Variants in AUTS2 observed in about 807,000 individuals in gnomAD.
AUTS2 encodes the protein activator of transcription and developmental regulator AUTS2.
Under a neutral mutation model 112.4 loss-of-function variants are expected in AUTS2, and 17 were observed. The ratio of observed to expected loss-of-function variants is 0.15; its 90% CI spans 0.10 to 0.23. The LOEUF (loss-of-function observed/expected upper bound fraction) is 0.23. Among genes scored for constraint, AUTS2 ranks in the 10% least tolerant of loss-of-function variants. The pLI, the probability that AUTS2 is intolerant of heterozygous loss-of-function variation, is 1.00. For missense variants in AUTS2, 1,510 were observed against 1,701.6 expected, an observed-to-expected ratio of 0.89 and a Z score of 1.98; for synonymous variants, 751 against 702.7, an observed-to-expected ratio of 1.07 and a Z score of -1.09.
At chr7:70,401,442 G>A (rs1400639887) in intron 4 of AUTS2, among the ~76,000 whole-genome samples, 1 of 152,200 alleles carries the variant, frequency 6.6e-6, no homozygotes, top group African/African-American at 2.4e-5. Flanking sequence ...TTAGGAGGAA[G>A]GAGGGACCAA....
At chr7:70,643,300 T>C (rs550344219) in intron 5 of AUTS2, among the ~76,000 whole-genome samples, 63 of 152,336 alleles carry the variant, frequency 4.1e-4, no homozygotes, top group African/African-American at 1.5e-3. Context: ...AGGCCAGGCG[T>C]GGTGGCTCAC....
chr7:69,697,593 C>T (rs542040769), intron 1 of AUTS2, among the ~76,000 whole-genome samples: 30 of 152,296 alleles, frequency 2.0e-4, no homozygotes, highest in African/African-American at 6.7e-4. Context: ...GAAAATGAAT[C>T]TTCTGCAGCT....
intron 5 of AUTS2, among the ~76,000 whole-genome samples, chr7:70,522,047 A>G (rs1410717710): frequency 6.6e-6 from 1 of 152,194 alleles, no homozygotes; most frequent in African/African-American, 2.4e-5. Flanking sequence ...TTATATGATT[A>G]TTAGCATTAT....
chr7:70,613,918 G>A (rs1224277640), intron 5 of AUTS2, among the ~76,000 whole-genome samples: 1 of 152,148 alleles, frequency 6.6e-6, no homozygotes, highest in African/African-American at 2.4e-5. Flanking sequence ...CTGATTTTTA[G>A]TTTAGTGTCC....
intron 2 of AUTS2, among the ~76,000 whole-genome samples, chr7:69,964,720 A>G (rs1419000372): frequency 1.3e-5 from 2 of 151,900 alleles, no homozygotes; most frequent in African/African-American, 4.8e-5. Context: ...AACGATCACA[A>G]GGAAATGGAT....
intron 4 of AUTS2, among the ~76,000 whole-genome samples, chr7:70,432,289 A>G (rs868552497): frequency 6.6e-6 from 1 of 152,198 alleles, no homozygotes; most frequent in African/African-American, 2.4e-5. Flanking sequence ...AACCTGCATC[A>G]GGAGGTGGCT....
chr7:70,786,630 C>T (rs1190364438), intron 17 of AUTS2, among the ~76,000 whole-genome samples: 1 of 152,114 alleles, frequency 6.6e-6, no homozygotes, highest in Non-Finnish European at 1.5e-5. Flanking sequence ...GCTGAATATG[C>T]AAATTATTTT....
intron 5 of AUTS2, among the ~76,000 whole-genome samples, chr7:70,629,313 A>G (rs1038887853): frequency 1.3e-5 from 2 of 152,170 alleles, no homozygotes; most frequent in African/African-American, 4.8e-5. Flanking sequence ...TCTACTAAAA[A>G]TACAAAAAAT....
chr7:70,085,226 C>T (rs1354193667), intron 2 of AUTS2, among the ~76,000 whole-genome samples: 7 of 152,138 alleles, frequency 4.6e-5, no homozygotes, highest in Admixed American at 4.6e-4. Flanking sequence ...AAATTATTTA[C>T]ATACCAAGGA....
At chr7:70,451,429 G>A (rs1345168235) in intron 5 of AUTS2, among the ~76,000 whole-genome samples, 5 of 151,804 alleles carry the variant, frequency 3.3e-5, no homozygotes, top group Non-Finnish European at 5.9e-5. Flanking sequence ...CTTGATATTT[G>A]TATAGCTTTT....
chr7:70,491,414 G>A (rs73175985), intron 5 of AUTS2, among the ~76,000 whole-genome samples: 32,539 of 122,996 alleles, frequency 0.26, 3,823 homozygotes, highest in Middle Eastern at 0.37. Flanking sequence ...GTGTGCGTGT[G>A]TGTATACACA....
chr7:70,657,142 A>C (rs1438678726), intron 5 of AUTS2, among the ~76,000 whole-genome samples: 1 of 152,206 alleles, frequency 6.6e-6, no homozygotes, highest in Non-Finnish European at 1.5e-5. Context: ...TGTAGGACAA[A>C]GCCCAAGGAT....
At chr7:70,204,591 T>C (rs1810475920) in intron 4 of AUTS2, among the ~76,000 whole-genome samples, 1 of 152,162 alleles carries the variant, frequency 6.6e-6, no homozygotes, top group Non-Finnish European at 1.5e-5. Flanking sequence ...TTGTAGTTAG[T>C]TAAGGAAATC....
chr7:70,300,316 A>T (rs1386363320), intron 4 of AUTS2, among the ~76,000 whole-genome samples: 1 of 152,208 alleles, frequency 6.6e-6, no homozygotes, highest in Non-Finnish European at 1.5e-5. Flanking sequence ...CCACATTCAG[A>T]GCTGTCCTGA....
chr7:69,631,893 G>T (rs2129104595), intron 1 of AUTS2, among the ~76,000 whole-genome samples: 1 of 152,252 alleles, frequency 6.6e-6, no homozygotes, highest in Non-Finnish European at 1.5e-5. Flanking sequence ...CTTTATAATT[G>T]AATTTCAATT....
intron 2 of AUTS2, among the ~76,000 whole-genome samples, chr7:70,017,563 G>A (rs1800083971): frequency 6.6e-6 from 1 of 152,140 alleles, no homozygotes; most frequent in Non-Finnish European, 1.5e-5. Flanking sequence ...CCATGTACAG[G>A]CTTCAGAGCT....
intron 4 of AUTS2, among the ~76,000 whole-genome samples, chr7:70,268,721 A>G (rs1787550591): frequency 6.6e-6 from 1 of 152,222 alleles, no homozygotes; most frequent in Non-Finnish European, 1.5e-5. Context: ...ATAAGAAATT[A>G]TCTTTGGGGT....
chr7:70,431,392 T>G (rs78527373), intron 4 of AUTS2, among the ~76,000 whole-genome samples: 2,693 of 152,272 alleles, frequency 0.018, 81 homozygotes, highest in African/African-American at 0.06. Flanking sequence ...AATATGTTTT[T>G]TTTGTTTGTT....
At chr7:70,436,062 T>A (rs980639028) in intron 5 of AUTS2, 2 of 349,376 alleles carry the variant, frequency 5.7e-6, no homozygotes, top group African/African-American at 4.2e-5. Flanking sequence ...AAAAACATTT[T>A]AAAAGACAAA....
Sources: allele counts gnomAD v4.1 joint callset (sites outside exome capture counted in the v4.1 genomes callset), GRCh38; gene constraint gnomAD v4.1.1; transcripts MANE v1.5; gene names NCBI Gene and HGNC (gene_info 2026-07-23, HGNC 2026-07-21).